Variants in MYOZ3 observed in about 807,000 individuals in gnomAD.
MYOZ3 encodes the protein myozenin 3, also known as myozenin-3.
A neutral mutation model predicts 26.5 loss-of-function variants in MYOZ3; 19 were observed. The observed-to-expected ratio is 0.72, with a 90% CI of 0.50 to 1.05. The LOEUF (loss-of-function observed/expected upper bound fraction) is 1.05, where lower values mean the gene tolerates loss of function less well. Ranked by LOEUF, MYOZ3 falls within the 50% of genes least tolerant of loss-of-function variation. The pLI is 0.00. For synonymous variants in MYOZ3, 135 were observed against 138.8 expected (o/e 0.97, Z 0.19); for missense variants, 322 against 337.1 (o/e 0.96, Z 0.35).
In MYOZ3 at chr5:150,671,665, G is replaced by C. The variant is rs1467841112; in HGVS notation, c.270+15G>C. The C allele has an allele frequency of 6.2e-7, 1 of 1,613,850 alleles. No homozygotes were observed. Among genetic ancestry groups the C allele is most frequent in the Non-Finnish European group, 8.5e-7 (1 of 1,179,968 alleles). ...AGTCGGGGACGGTGAGCGTGGAGGG[G>C]AGCTCCCTGGAAGGGAAGCTGGGGG... On this transcript the variant is annotated intron_variant, in intron 4 of 6. Transcript: ENST00000517768.
chr5:150,660,936 G>A (rs1301261011), upstream of MYOZ3: 1 of 94,550 alleles, frequency 1.1e-5, no homozygotes, highest in Admixed American at 1.1e-4. Flanking sequence ...ATATTGAGGA[G>A]CAATTCATTC....
chr5:150,663,785 AG>A (rs1208902720), intron 2 of MYOZ3, among the ~76,000 whole-genome samples: 1 of 151,858 alleles, frequency 6.6e-6, no homozygotes, highest in African/African-American at 2.4e-5. Flanking sequence ...GCTTGAGCCC[AG>A]GAGTTTGAGA....
chr5:150,662,838 C>G, intron 1 of MYOZ3, 103 bp from the exon 2 acceptor site: 1 of 1,030,392 alleles, frequency 9.7e-7, no homozygotes, highest in Non-Finnish European at 1.5e-6. Context: ...TGGGGCTGGC[C>G]TAAAGCTGTT....
At chr5:150,672,750 T>C (rs950400190) in intron 6 of MYOZ3, 18 of 482,210 alleles carry the variant, frequency 3.7e-5, no homozygotes, top group African/African-American at 3.4e-4. Context: ...GGTGGGCGGG[T>C]GCTATGAGTT....
rs1427058904 is a variant in MYOZ3 at position 150,671,782 on chromosome 5, C to T, written c.298C>T (p.Pro100Ser). 2 of 1,613,026 alleles carry T rather than the reference C, an allele frequency of 1.2e-6. No homozygotes were observed. The highest frequency in any genetic ancestry group is 2.2e-5 in the East Asian group (1 of 44,880). The change falls in exon 5 of 7, where the codon CCG (proline) becomes TCG (serine). Residue 100 changes from proline to serine, a missense_variant. Coordinates refer to ENST00000517768, the MANE Select transcript of MYOZ3 (RefSeq NM_001122853.3). ...TGCCAATGCCAATGGCCCTGAGGGGCCGAACTACCGCTCGGAGCTCCACAT... is the reference window on the plus strand; with the variant it reads ...TGCCAATGCCAATGGCCCTGAGGGGTCGAACTACCGCTCGGAGCTCCACAT... ...TVANANGPEG[P>S]NYRSELHIFP...
At chr5:150,672,293 G>T in intron 5 of MYOZ3, 47 bp from the exon 6 acceptor site, 1 of 1,553,912 alleles carries the variant, frequency 6.4e-7, no homozygotes, top group Non-Finnish European at 8.7e-7. Flanking sequence ...GGGGTTGGGG[G>T]CTGAGGGTGG....
intron 6 of MYOZ3, among the ~76,000 whole-genome samples, chr5:150,675,524 C>A (rs111512972): frequency 6.6e-6 from 1 of 152,016 alleles, no homozygotes; most frequent in Non-Finnish European, 1.5e-5. Context: ...AGTCACCCAC[C>A]ACCATGCCCA....
chr5:150,665,457 A>T (rs1226406212), intron 2 of MYOZ3, among the ~76,000 whole-genome samples: 1 of 152,184 alleles, frequency 6.6e-6, no homozygotes, highest in African/African-American at 2.4e-5. Context: ...CCACCACGAG[A>T]CTGAGTCCCA....
chr5:150,661,067 T>C (rs1251488172), upstream of MYOZ3: 1 of 152,502 alleles, frequency 6.6e-6, no homozygotes, highest in Non-Finnish European at 1.5e-5. Context: ...CAGCTGACCC[T>C]CAACATTTCC....
At chr5:150,666,416 C>G (rs1758809655) in intron 2 of MYOZ3, among the ~76,000 whole-genome samples, 1 of 151,892 alleles carries the variant, frequency 6.6e-6, no homozygotes, top group African/African-American at 2.4e-5. Flanking sequence ...GAGTTTGGGA[C>G]CAGCCTGGCC....
upstream of MYOZ3, chr5:150,661,245 G>A (rs1271567743): frequency 6.6e-6 from 1 of 152,434 alleles, no homozygotes; most frequent in Non-Finnish European, 1.5e-5. Context: ...CCCATGGCAA[G>A]GCAGGAATGA....
chr5:150,666,492 T>C (rs1477423632), intron 2 of MYOZ3, among the ~76,000 whole-genome samples: 1 of 150,904 alleles, frequency 6.6e-6, no homozygotes, highest in Non-Finnish European at 1.5e-5. Flanking sequence ...CTCATGCCCA[T>C]AGTCCCAGTT....
In MYOZ3 at chr5:150,665,018, C is replaced by CT. The variant is rs1180549807; in HGVS notation, c.61+2029dup. On this transcript the variant is annotated intron_variant, in intron 2 of 6. Coordinates refer to ENST00000517768, the MANE Select transcript of MYOZ3 (RefSeq NM_001122853.3). ...AAATACTATATGCTATGTTCTTTGG[C>CT]TTTTTTTTTTTTTCATTTAGCAGCA... Among the ~76,000 whole-genome samples the CT allele has an allele frequency of 9.1e-3, 1,284 of 141,566 alleles. 55 individuals are homozygous for CT. The East Asian group carries it at 0.14, about 15-fold the overall frequency. 92.9% of individuals were successfully genotyped at this position (141,566 alleles called of 152,430 possible). A position where few individuals can be genotyped will look rare whatever the true frequency, so the allele number is the denominator to read the frequency against.
At chr5:150,676,597 CTG>C in intron 6 of MYOZ3, 108 bp from the exon 7 acceptor site, 2 of 653,960 alleles carry the variant, frequency 3.1e-6, no homozygotes, top group Non-Finnish European at 4.9e-6. Flanking sequence ...GAAGGGAAAA[CTG>C]AGGCTCAGAG....
chr5:150,670,886 CAAAAAAA>C (rs61577179), intron 3 of MYOZ3: 8 of 67,816 alleles, frequency 1.2e-4, no homozygotes, highest in Non-Finnish European at 1.7e-4. Context: ...TGGCTCCTAC[CAAAAAAA>C]AAAAAAAAAA....
chr5:150,671,891 C>T lies in MYOZ3; in HGVS notation c.407C>T (p.Pro136Leu), dbSNP rs757525837. 2.6e-6 allele frequency: 4 copies of T among 1,562,582 alleles called. No homozygotes were observed. The East Asian group carries it at 9.5e-5, about 37-fold the overall frequency. Reference protein sequence around the residue: ...AAAPAGCVPSPSALAPGYAEP... With the variant: ...AAAPAGCVPSLSALAPGYAEP... ...GCCCCTGCTGGGTGCGTCCCCAGCCCCAGCGCCCTGGCGCCAGGTGAGTGG... is the reference window on the plus strand; with the variant it reads ...GCCCCTGCTGGGTGCGTCCCCAGCCTCAGCGCCCTGGCGCCAGGTGAGTGG... The change falls in exon 5 of 7, where the codon CCC becomes CTC. Residue 136 changes from proline (P) to leucine (L), a missense_variant. Coordinates refer to ENST00000517768, the MANE Select transcript of MYOZ3 (RefSeq NM_001122853.3).
chr5:150,670,554 C>T lies in MYOZ3; in HGVS notation c.132C>T (p.Arg44=), dbSNP rs1347536581. 2 of 1,613,328 alleles carry T rather than the reference C, an allele frequency of 1.2e-6. No homozygotes were observed. Among genetic ancestry groups the T allele is most frequent in the African/African-American group, 2.7e-5 (2 of 74,976 alleles). The part of the protein sequence containing the change: ...QDLMMEELSL[R]NNRGSLLFQK... ...TGATGATGGAGGAGCTGTCACTACG[C>T]AACAACAGAGGGTCCCTCCTCTTCC... Residue 44 remains arginine, a synonymous_variant, in exon 3 of 7, where the codon CGC becomes CGT. Coordinates refer to ENST00000517768, the MANE Select transcript of MYOZ3 (RefSeq NM_001122853.3).
In MYOZ3 at chr5:150,664,168, G is replaced by T. The variant is rs1190911937; in HGVS notation, c.61+1166G>T. Among the ~76,000 whole-genome samples the T allele has an allele frequency of 3.9e-5, 6 of 152,278 alleles. No individual in the cohort carries two copies. The East Asian group carries it at 1.2e-3, about 29-fold the overall frequency. On this transcript the variant is annotated intron_variant, in intron 2 of 6. Coordinates refer to ENST00000517768, the MANE Select transcript of MYOZ3 (RefSeq NM_001122853.3). ...GGACTTGTGCATTTGCCTTCAGCGT[G>T]CTAAGGAGTCAGTCATATTTCATGA...
chr5:150,665,989 C>T (rs59029162), intron 2 of MYOZ3, among the ~76,000 whole-genome samples: 7,984 of 146,100 alleles, frequency 0.055, 702 homozygotes, highest in African/African-American at 0.19. Context: ...GAGCCGAGAT[C>T]ATGCCATTGC....
Sources: gnomAD v4.1 joint callset for allele counts (sites outside exome capture counted in the v4.1 genomes callset) on GRCh38, gnomAD v4.1.1 for gene constraint, MANE v1.5 for transcripts, NCBI Gene and HGNC (gene_info 2026-07-23, HGNC 2026-07-21) for gene names.